GRM8: variants seen among roughly 807,000 people sequenced by gnomAD.
GRM8 encodes glutamate metabotropic receptor 8.
GRM8 carries 47 observed loss-of-function variants against 87.2 expected under a neutral mutation model. The observed-to-expected ratio is 0.54, with a 90% confidence interval of 0.43 to 0.69. The LOEUF is 0.69. Ranked by LOEUF, GRM8 falls within the 30% of genes least tolerant of loss-of-function variation. GRM8 has a pLI of 0.00. For missense variants in GRM8, 1,019 were observed against 1,139.2 expected, an observed-to-expected ratio of 0.89 and a Z score of 1.52; for synonymous variants, 396 against 404.5, an observed-to-expected ratio of 0.98 and a Z score of 0.25.
intron 7 of GRM8, among the ~76,000 whole-genome samples, chr7:126,763,915 T>C (rs932338036): frequency 2.0e-5 from 3 of 152,006 alleles, no homozygotes; most frequent in African/African-American, 7.2e-5. Flanking sequence ...TTTTCAAATA[T>C]GTTGTATGTC....
At chr7:126,595,149 A>G (rs1797040083) in intron 8 of GRM8, among the ~76,000 whole-genome samples, 1 of 151,984 alleles carries the variant, frequency 6.6e-6, no homozygotes, top group African/African-American at 2.4e-5. Context: ...AAAATTTTAT[A>G]TTACTTTATT....
At chr7:127,007,066 T>G (rs3808131) in intron 3 of GRM8, among the ~76,000 whole-genome samples, 9,575 of 152,016 alleles carry the variant, frequency 0.063, 330 homozygotes, top group South Asian at 0.12. Flanking sequence ...TTCCCTAAAA[T>G]TCTACGTTGG....
Position 126,605,589 on chromosome 7 carries a change from C to T in GRM8, c.1494+3773G>A, listed in dbSNP as rs1024894771. Among the ~76,000 whole-genome samples, 6 of 152,238 alleles carry T rather than the reference C, an allele frequency of 3.9e-5. No homozygotes were observed. The East Asian group carries it at 1.2e-3, about 29-fold the overall frequency. ...ATTCCAATATGCCTAACCATATACC[C>T]TCTTTGTACAAATTTATACTATGGT... On this transcript the variant is annotated intron_variant, in intron 8 of 10. Transcript: ENST00000339582.
At chr7:127,019,697 T>G (rs942960928) in intron 3 of GRM8, among the ~76,000 whole-genome samples, 1 of 152,096 alleles carries the variant, frequency 6.6e-6, no homozygotes, top group Non-Finnish European at 1.5e-5. Flanking sequence ...CAAATTTCAC[T>G]GTAAGGTGTG....
intron 3 of GRM8, among the ~76,000 whole-genome samples, chr7:126,986,296 C>T (rs1409871166): frequency 6.6e-6 from 1 of 152,132 alleles, no homozygotes; most frequent in Non-Finnish European, 1.5e-5. Context: ...AGGCTTGAGT[C>T]ACCACACACA....
chr7:126,829,062 A>G (rs1191992051), intron 6 of GRM8, among the ~76,000 whole-genome samples: 4 of 152,060 alleles, frequency 2.6e-5, no homozygotes, highest in Admixed American at 2.6e-4. Context: ...CTGTGGTCTG[A>G]GAGATAGTTT....
chr7:127,227,222 G>C (rs983526757), intron 2 of GRM8, among the ~76,000 whole-genome samples: 24 of 152,192 alleles, frequency 1.6e-4, no homozygotes, highest in African/African-American at 5.5e-4. Flanking sequence ...AAGTCGGGCT[G>C]CCGACCAAGT....
intron 9 of GRM8, among the ~76,000 whole-genome samples, chr7:126,454,104 A>T (rs1802951129): frequency 6.6e-6 from 1 of 151,802 alleles, no homozygotes; most frequent in Non-Finnish European, 1.5e-5. Flanking sequence ...ACAAATAAAT[A>T]AAAGTATAAA....
intron 6 of GRM8, among the ~76,000 whole-genome samples, chr7:126,882,877 C>T (rs546715744): frequency 1.3e-5 from 2 of 152,146 alleles, no homozygotes; most frequent in South Asian, 2.1e-4. Flanking sequence ...TACTCATCAA[C>T]CTTAATAGTA....
intron 7 of GRM8, among the ~76,000 whole-genome samples, chr7:126,683,321 T>C (rs866105796): frequency 5.9e-5 from 9 of 152,230 alleles, no homozygotes; most frequent in Admixed American, 6.5e-5. Context: ...TGCTGTTGCC[T>C]TAGCTCATTT....
chr7:127,070,932 G>C (rs1185129319), intron 3 of GRM8, among the ~76,000 whole-genome samples: 1 of 152,132 alleles, frequency 6.6e-6, no homozygotes, highest in Admixed American at 6.5e-5. Flanking sequence ...TCCTGCCTAA[G>C]AAAAATTCTG....
intron 3 of GRM8, among the ~76,000 whole-genome samples, chr7:127,025,569 A>T (rs1240816005): frequency 2.0e-5 from 3 of 152,088 alleles, no homozygotes; most frequent in African/African-American, 7.2e-5. Flanking sequence ...CATGTACTGG[A>T]TGCTTTGTAT....
At chr7:126,603,485 C>T (rs181707871) in intron 8 of GRM8, among the ~76,000 whole-genome samples, 38 of 151,666 alleles carry the variant, frequency 2.5e-4, no homozygotes, top group Admixed American at 1.6e-3. Context: ...ATCTAGAAAA[C>T]CCCATTGTCT....
Position 126,578,187 on chromosome 7 carries a change from T to C in GRM8, c.1494+31175A>G, listed in dbSNP as rs1159666492. 2.0e-5 allele frequency among the ~76,000 whole-genome samples: 3 copies of C among 152,208 alleles called. No individual in the cohort carries two copies. The East Asian group carries it at 5.8e-4, about 29-fold the overall frequency. ...CATAATGGGTTGATTGGAAACTCTA[T>C]GAAATTATGTATTTACATATATTTC... is the stretch of plus-strand genomic sequence containing the variant. On this transcript the variant is annotated intron_variant, in intron 8 of 10. Transcript: ENST00000339582.
At chr7:127,030,596 T>C (rs1817270891) in intron 3 of GRM8, among the ~76,000 whole-genome samples, 1 of 152,106 alleles carries the variant, frequency 6.6e-6, no homozygotes, top group African/African-American at 2.4e-5. Context: ...TAGAACAGTG[T>C]CTGACACATA....
intron 3 of GRM8, among the ~76,000 whole-genome samples, chr7:126,927,300 AG>A (rs1805243299): frequency 6.6e-6 from 1 of 152,028 alleles, no homozygotes; most frequent in African/African-American, 2.4e-5. Flanking sequence ...CACACTTGGT[AG>A]TATGTTTTTT....
At chr7:126,820,610 T>A (rs11769307) in intron 6 of GRM8, among the ~76,000 whole-genome samples, 41,980 of 152,178 alleles carry the variant, frequency 0.28, 7,228 homozygotes, top group Non-Finnish European at 0.37. Flanking sequence ...TATGAGACAG[T>A]AAAACCACGG....
chr7:127,127,628 G>A (rs990253758), intron 2 of GRM8, among the ~76,000 whole-genome samples: 1 of 152,056 alleles, frequency 6.6e-6, no homozygotes, highest in Non-Finnish European at 1.5e-5. Context: ...CCTGGGGCCA[G>A]AGCAGGGTAA....
chr7:126,718,531 G>A (rs907522331), intron 7 of GRM8, among the ~76,000 whole-genome samples: 4 of 152,162 alleles, frequency 2.6e-5, no homozygotes, highest in Admixed American at 6.5e-5. Context: ...GTGTGGTGGA[G>A]GCCAGGACTT....
Sources: gnomAD v4.1 joint callset for allele counts (sites outside exome capture counted in the v4.1 genomes callset) on GRCh38, gnomAD v4.1.1 for gene constraint, MANE v1.5 for transcripts, NCBI Gene and HGNC (gene_info 2026-07-23, HGNC 2026-07-21) for gene names.